Variants in NRG3 observed in about 807,000 individuals in gnomAD.
NRG3 encodes neuregulin 3.
In NRG3, 31 loss-of-function variants were observed where a neutral mutation model predicts 66.9. The ratio of observed to expected loss-of-function variants is 0.46; its 90% CI spans 0.35 to 0.63. The LOEUF (loss-of-function observed/expected upper bound fraction) is 0.63, where lower values mean the gene tolerates loss of function less well. Ranked by LOEUF, NRG3 falls within the 20% of genes least tolerant of loss-of-function variation. NRG3 has a pLI of 0.00. For missense variants in NRG3, 910 were observed against 878.9 expected, an observed-to-expected ratio of 1.04 and a Z score of -0.45; for synonymous variants, 393 against 359.4, an observed-to-expected ratio of 1.09 and a Z score of -1.06.
chr10:82,740,639 C>T (rs1446482745), intron 3 of NRG3, among the ~76,000 whole-genome samples: 2 of 151,962 alleles, frequency 1.3e-5, no homozygotes, highest in African/African-American at 2.4e-5. Flanking sequence ...GCCTGGCCAA[C>T]ATGGTGAAAC....
At chr10:82,800,681 A>G (rs2135431997) in intron 3 of NRG3, among the ~76,000 whole-genome samples, 1 of 152,314 alleles carries the variant, frequency 6.6e-6, no homozygotes, top group South Asian at 2.1e-4. Context: ...TAATATTTGG[A>G]AGTTATAGGA....
chr10:82,842,235 A>G (rs1479785241), intron 3 of NRG3, among the ~76,000 whole-genome samples: 1 of 152,182 alleles, frequency 6.6e-6, no homozygotes, highest in Non-Finnish European at 1.5e-5. Flanking sequence ...TGGGCAACAA[A>G]GCGAGACTGA....
intron 4 of NRG3, among the ~76,000 whole-genome samples, chr10:82,904,509 A>T (rs749568923): frequency 2.2e-4 from 34 of 152,162 alleles, no homozygotes; most frequent in Non-Finnish European, 4.3e-4. Context: ...AAATGCATCA[A>T]AGTGAAGTTC....
chr10:82,142,764 CTCT>C (rs1459920119), intron 1 of NRG3, among the ~76,000 whole-genome samples: 1 of 84,768 alleles, frequency 1.2e-5, no homozygotes, highest in African/African-American at 4.1e-5. Flanking sequence ...CTCTCTCTCG[CTCT>C]TTTTTTTTTT....
chr10:82,173,704 C>CACACACACAT (rs1554840453), intron 1 of NRG3, among the ~76,000 whole-genome samples: 3 of 151,296 alleles, frequency 2.0e-5, no homozygotes, highest in Admixed American at 6.6e-5. Flanking sequence ...CACACACACA[C>CACACACACAT]GCATGAAAAG....
At chr10:82,814,831 G>C (rs2061638561) in intron 3 of NRG3, among the ~76,000 whole-genome samples, 1 of 152,116 alleles carries the variant, frequency 6.6e-6, no homozygotes, top group Admixed American at 6.5e-5. Context: ...TATCATGTTT[G>C]GTAGTCTGCT....
chr10:82,588,556 G>A (rs551772951), intron 2 of NRG3, among the ~76,000 whole-genome samples: 1 of 152,014 alleles, frequency 6.6e-6, no homozygotes. Context: ...AGGCTGGAGT[G>A]CAGTGGGACA....
intron 2 of NRG3, among the ~76,000 whole-genome samples, chr10:82,396,715 T>A (rs1424511507): frequency 6.6e-6 from 1 of 152,172 alleles, no homozygotes; most frequent in Non-Finnish European, 1.5e-5. Context: ...TAACTTAAAT[T>A]TGAACTGTGT....
At chr10:82,002,161 C>T (rs1005530026) in intron 1 of NRG3, among the ~76,000 whole-genome samples, 6 of 152,166 alleles carry the variant, frequency 3.9e-5, no homozygotes, top group African/African-American at 7.2e-5. Context: ...CAAGACTTCA[C>T]ATTGACCCCA....
chr10:82,142,922 G>GTTT (rs11286244), intron 1 of NRG3, among the ~76,000 whole-genome samples: 10 of 118,960 alleles, frequency 8.4e-5, no homozygotes, highest in African/African-American at 2.2e-4. Flanking sequence ...ACCTGGCTAA[G>GTTT]TTTTTTTTTT....
chr10:82,121,052 G>A (rs185936626), intron 1 of NRG3, among the ~76,000 whole-genome samples: 1 of 151,976 alleles, frequency 6.6e-6, no homozygotes, highest in African/African-American at 2.4e-5. Context: ...TGTAATATTT[G>A]TCTCCATCAT....
chr10:82,166,798 T>G (rs1395803502), intron 1 of NRG3: 1 of 680,008 alleles, frequency 1.5e-6, no homozygotes, highest in Non-Finnish European at 2.7e-6. Flanking sequence ...GTAGTGTGGG[T>G]CTGCTGCTGA....
At chr10:82,862,590 G>T (rs1394596588) in intron 3 of NRG3, among the ~76,000 whole-genome samples, 2 of 152,014 alleles carry the variant, frequency 1.3e-5, no homozygotes, top group African/African-American at 4.8e-5. Context: ...TTCCCTTCAA[G>T]ACCCTAGGGG....
chr10:82,966,853 G>A (rs1746874692), intron 6 of NRG3, among the ~76,000 whole-genome samples: 1 of 151,654 alleles, frequency 6.6e-6, no homozygotes, highest in African/African-American at 2.4e-5. Flanking sequence ...TCTGGCTTTG[G>A]CCATTGATAG....
At chr10:82,940,916 T>C (rs1848527678) in intron 4 of NRG3, among the ~76,000 whole-genome samples, 1 of 152,162 alleles carries the variant, frequency 6.6e-6, no homozygotes, top group Non-Finnish European at 1.5e-5. Context: ...GCAGACGCTA[T>C]ACTCAAATAA....
intron 1 of NRG3, among the ~76,000 whole-genome samples, chr10:82,280,585 A>G (rs560387288): frequency 5.0e-4 from 76 of 152,308 alleles, no homozygotes; most frequent in African/African-American, 1.7e-3. Flanking sequence ...TCACCTGACC[A>G]TAGCCCCTAT....
chr10:82,162,148 T>C (rs1244676476), intron 1 of NRG3, among the ~76,000 whole-genome samples: 1 of 152,154 alleles, frequency 6.6e-6, no homozygotes, highest in Non-Finnish European at 1.5e-5. Context: ...CAATTCTCAT[T>C]CTTCAAAACT....
chr10:82,355,275 TTTC>T (rs1389748884), intron 1 of NRG3, among the ~76,000 whole-genome samples: 3 of 152,330 alleles, frequency 2.0e-5, no homozygotes, highest in African/African-American at 7.2e-5. Context: ...ATGTTCCGTG[TTTC>T]TTCTTCAGAA....
In NRG3 at chr10:81,875,647, G is replaced by A. The variant is rs1564624054; in HGVS notation, c.307G>A (p.Val103Met). The change falls in exon 1 of 9, where the codon GTG becomes ATG. Residue 103 changes from valine (V) to methionine (M), a missense_variant. Transcript: ENST00000372141. The surrounding 1 kb of genome is among the most constrained non-coding windows in gnomAD (Gnocchi z 5.3). Reference sequence around the variant, plus strand: ...CAAGGAGTACGTGCCCACCGACCTAGTGGACTCCAAGGGGATGGGCCAGGA... The same window carrying A: ...CAAGGAGTACGTGCCCACCGACCTAATGGACTCCAAGGGGATGGGCCAGGA... ...SVKEYVPTDL[V>M]DSKGMGQDPF... The A allele has an allele frequency of 6.2e-7, 1 of 1,613,886 alleles. No homozygotes were observed. Among genetic ancestry groups the A allele is most frequent in the Non-Finnish European group, 8.5e-7 (1 of 1,179,954 alleles).
Sources: allele counts gnomAD v4.1 joint callset (sites outside exome capture counted in the v4.1 genomes callset), GRCh38; gene constraint gnomAD v4.1.1; non-coding constraint Gnocchi (gnomAD v3.1); transcripts MANE v1.5; gene names NCBI Gene and HGNC (gene_info 2026-07-23, HGNC 2026-07-21).